The following MAGI2 variants were observed in gnomAD, a reference collection of about 807,000 sequenced individuals.
MAGI2 encodes membrane associated guanylate kinase, WW and PDZ domain containing 2.
In MAGI2, 35 loss-of-function variants were observed where a neutral mutation model predicts 133.3. That is an observed-to-expected ratio of 0.26 (90% CI 0.20 to 0.35). MAGI2 has a LOEUF of 0.35. MAGI2 is among the 10% of genes least tolerant of loss of function. The pLI is 1.00. For synonymous variants in MAGI2, 729 were observed against 710.6 expected, an observed-to-expected ratio of 1.03 and a Z score of -0.41; for missense variants, 1,636 against 1,863.4, an observed-to-expected ratio of 0.88 and a Z score of 2.25.
chr7:79,388,605 TAAG>T (rs998578280), intron 1 of MAGI2, among the ~76,000 whole-genome samples: 2 of 151,630 alleles, frequency 1.3e-5, no homozygotes, highest in African/African-American at 2.4e-5. Context: ...TATTTTATAA[TAAG>T]AATATTTAGA....
At chr7:78,556,311 T>A (rs1412831376) in intron 3 of MAGI2, among the ~76,000 whole-genome samples, 1 of 152,170 alleles carries the variant, frequency 6.6e-6, no homozygotes, top group Non-Finnish European at 1.5e-5. Flanking sequence ...CCCAGGGCCA[T>A]GTGCACTTTG....
At chr7:79,005,517 T>C (rs914116134) in intron 2 of MAGI2, among the ~76,000 whole-genome samples, 4 of 152,228 alleles carry the variant, frequency 2.6e-5, no homozygotes, top group Admixed American at 6.5e-5. Context: ...CAAAATTTAC[T>C]CCTATTATCT....
intron 20 of MAGI2, among the ~76,000 whole-genome samples, chr7:78,113,754 T>TTTTAATAAATA (rs1303057374): frequency 9.2e-5 from 14 of 152,246 alleles, no homozygotes; most frequent in African/African-American, 3.4e-4. Context: ...ATCCCTGTCA[T>TTTTAATAAATA]CAAGAGATGC....
chr7:79,020,575 G>A (rs1422213380), intron 1 of MAGI2, among the ~76,000 whole-genome samples: 2 of 151,998 alleles, frequency 1.3e-5, no homozygotes, highest in Admixed American at 6.6e-5. Context: ...GACCATCCTG[G>A]CTAACATGGT....
At chr7:79,444,231 G>C (rs1170650284) in intron 1 of MAGI2, among the ~76,000 whole-genome samples, 2 of 152,136 alleles carry the variant, frequency 1.3e-5, no homozygotes, top group Non-Finnish European at 2.9e-5. Flanking sequence ...AAAACTGGAA[G>C]CATTCCCTTT....
chr7:79,178,031 A>C (rs1240196119), intron 1 of MAGI2, among the ~76,000 whole-genome samples: 1 of 152,032 alleles, frequency 6.6e-6, no homozygotes, highest in Non-Finnish European at 1.5e-5. Context: ...AATATTAGCC[A>C]GGCTTCCATC....
intron 2 of MAGI2, among the ~76,000 whole-genome samples, chr7:78,729,880 A>T (rs12531389): frequency 0.096 from 14,634 of 152,112 alleles, 847 homozygotes; most frequent in East Asian, 0.24. Flanking sequence ...AAACAGTTTG[A>T]TTTACATCAA....
chr7:78,925,129 C>T (rs1799593197), intron 2 of MAGI2, among the ~76,000 whole-genome samples: 1 of 151,968 alleles, frequency 6.6e-6, no homozygotes, highest in Admixed American at 6.6e-5. Context: ...TTTAGCTGTG[C>T]TCCCTTTTAC....
At chr7:78,377,951 C>A (rs1794600049) in intron 6 of MAGI2, among the ~76,000 whole-genome samples, 1 of 151,294 alleles carries the variant, frequency 6.6e-6, no homozygotes, top group South Asian at 2.1e-4. Flanking sequence ...AAATTGCAAA[C>A]AAGAAAGTTG....
intron 2 of MAGI2, among the ~76,000 whole-genome samples, chr7:78,637,422 A>G (rs1288177383): frequency 7.1e-6 from 1 of 141,210 alleles, no homozygotes; most frequent in African/African-American, 2.5e-5. Context: ...GTGATACATG[A>G]TAATATGTTA....
At chr7:78,511,462 T>A (rs371539709) in intron 4 of MAGI2, among the ~76,000 whole-genome samples, 1 of 150,970 alleles carries the variant, frequency 6.6e-6, no homozygotes, top group Non-Finnish European at 1.5e-5. Context: ...CCTTCTAAAA[T>A]GAGAAGAATT....
At position 78,702,784 on chromosome 7, in the gene MAGI2, C is replaced by A. The variant is rs57299049; in HGVS notation, c.419-75545G>T. Among the ~76,000 whole-genome samples, 39 of 151,818 alleles carry A rather than the reference C, an allele frequency of 2.6e-4. 1 individual carries two copies. The highest frequency in any genetic ancestry group is 2.0e-4 in the Admixed American group (3 of 15,206). On this transcript the variant is annotated intron_variant, in intron 2 of 21. Coordinates refer to ENST00000354212, the MANE Select transcript of MAGI2 (RefSeq NM_012301.4). ...TGACTAGGTAGATAAAACTGGTCAA[C>A]AAAGAGCTGAAGAAATGATAAATTC...
In MAGI2 at chr7:78,369,283, AT is replaced by A. The variant is rs1314481807; in HGVS notation, c.1046-71del. The A allele has an allele frequency of 7.5e-5, 84 of 1,117,592 alleles. No homozygotes were observed. The Admixed American group carries it at 1.6e-3, about 21-fold the overall frequency. 69.2% of individuals were successfully genotyped at this position (1,117,592 alleles called of 1,614,324 possible). On this transcript the variant is annotated intron_variant, in intron 6 of 21. Transcript: ENST00000354212. Reference sequence around the variant, plus strand: ...TTCTAATAAAAAGTAATATAATTTAATTGTTCATGGATTGCAGAAATGGTCT... The same window carrying A: ...TTCTAATAAAAAGTAATATAATTTAATGTTCATGGATTGCAGAAATGGTCT...
At chr7:79,443,026 C>CTT (rs1183959547) in intron 1 of MAGI2, among the ~76,000 whole-genome samples, 1 of 151,948 alleles carries the variant, frequency 6.6e-6, no homozygotes, top group South Asian at 2.1e-4. Context: ...AATCCCAGCA[C>CTT]TTTGGGAGGC....
At chr7:79,173,167 AC>A (rs1320453039) in intron 1 of MAGI2, among the ~76,000 whole-genome samples, 2 of 152,102 alleles carry the variant, frequency 1.3e-5, no homozygotes, top group East Asian at 3.9e-4. Context: ...CATAATAGCA[AC>A]AAAAAGGTAT....
chr7:78,773,471 T>C (rs1825746148), intron 2 of MAGI2, among the ~76,000 whole-genome samples: 3 of 152,230 alleles, frequency 2.0e-5, no homozygotes, highest in Non-Finnish European at 2.9e-5. Context: ...CACTCATTTA[T>C]TCAACTAATG....
At chr7:79,017,322 C>G (rs2098180) in intron 1 of MAGI2, among the ~76,000 whole-genome samples, 89,412 of 152,020 alleles carry the variant, frequency 0.59, 26,630 homozygotes, top group East Asian at 0.63. Flanking sequence ...GGAGTTATGA[C>G]CTGAGCCCTG....
chr7:79,386,703 G>T (rs1844205764), intron 1 of MAGI2, among the ~76,000 whole-genome samples: 1 of 152,080 alleles, frequency 6.6e-6, no homozygotes, highest in Admixed American at 6.6e-5. Flanking sequence ...CTACTTGGCT[G>T]CTATGATCTG....
At chr7:78,573,404 A>ATATATATATATATT (rs1563189772) in intron 3 of MAGI2, among the ~76,000 whole-genome samples, 1 of 85,966 alleles carries the variant, frequency 1.2e-5, no homozygotes, top group Non-Finnish European at 2.1e-5. Flanking sequence ...ATATATATAT[A>ATATATATATATATT]GGCTGCCACT....
Sources: allele counts gnomAD v4.1 joint callset (sites outside exome capture counted in the v4.1 genomes callset), GRCh38; gene constraint gnomAD v4.1.1; transcripts MANE v1.5; gene names NCBI Gene and HGNC (gene_info 2026-07-23, HGNC 2026-07-21).